The following EFHC2 variants were observed in gnomAD, a reference collection of about 807,000 sequenced individuals.
EFHC2 encodes the protein EF-hand domain containing 2, also known as EF-hand domain-containing family member C2.
EFHC2 carries 18 observed loss-of-function variants against 52.7 expected under a neutral mutation model. That is an observed-to-expected ratio of 0.34 (90% confidence interval 0.24 to 0.51). The LOEUF (loss-of-function observed/expected upper bound fraction) is 0.51, where lower values mean the gene tolerates loss of function less well. Ranked by LOEUF, EFHC2 falls within the 20% of genes least tolerant of loss-of-function variation. The pLI, the probability that EFHC2 is intolerant of heterozygous loss-of-function variation, is 0.97. For synonymous variants in EFHC2, 203 were observed against 204.1 expected (o/e 0.99, Z 0.04); for missense variants, 513 against 562.5 (o/e 0.91, Z 0.89).
chrX:44,287,992 T>C (rs994720047), intron 2 of EFHC2, among the ~76,000 whole-genome samples: 1 of 112,122 alleles, frequency 8.9e-6, no homozygotes, highest in African/African-American at 3.2e-5. Context: ...ATATCTAACT[T>C]CAAAATTCAT....
intron 1 of EFHC2, among the ~76,000 whole-genome samples, chrX:44,318,879 G>T (rs1378476436): frequency 9.0e-6 from 1 of 111,260 alleles, no homozygotes; most frequent in Non-Finnish European, 1.9e-5. Context: ...GATCAAATAG[G>T]CAACAAGGAG....
intron 2 of EFHC2, among the ~76,000 whole-genome samples, chrX:44,307,367 T>C (rs942552533): frequency 5.3e-5 from 6 of 112,237 alleles, no homozygotes; most frequent in African/African-American, 1.6e-4. Flanking sequence ...TTTTTTGGCT[T>C]TCTTCATTTT....
intron 3 of EFHC2, among the ~76,000 whole-genome samples, chrX:44,266,346 T>G (rs2037577455): frequency 9.0e-6 from 1 of 111,085 alleles, no homozygotes; most frequent in Non-Finnish European, 1.9e-5. Flanking sequence ...AAGAATTCTT[T>G]TTTTTTTTAA....
At chrX:44,229,864 A>C (rs2037262223) in intron 10 of EFHC2, 85 bp from the exon 11 acceptor site, 6 of 935,981 alleles carry the variant, frequency 6.4e-6, no homozygotes, top group Non-Finnish European at 8.8e-6. Context: ...CAGCAAAGGG[A>C]CTTCACACTG....
At chrX:44,253,955 A>G (rs1453786265) in intron 4 of EFHC2, among the ~76,000 whole-genome samples, 1 of 112,497 alleles carries the variant, frequency 8.9e-6, no homozygotes, top group Non-Finnish European at 1.9e-5. Context: ...TGCAGCCTCC[A>G]CTGGTGATAC....
chrX:44,339,172 C>G (rs1206199986), intron 1 of EFHC2, among the ~76,000 whole-genome samples: 2 of 94,304 alleles, frequency 2.1e-5, no homozygotes, highest in Non-Finnish European at 4.1e-5. Context: ...GCCTGGGTGA[C>G]AGAGCGAGAC....
chrX:44,308,893 G>T (rs2147379822), intron 2 of EFHC2, among the ~76,000 whole-genome samples: 1 of 112,600 alleles, frequency 8.9e-6, no homozygotes, highest in Non-Finnish European at 1.9e-5. Flanking sequence ...AGCTATTATC[G>T]CCTTGTGAGT....
At position 44,222,789 on chromosome X, in the gene EFHC2, A is replaced by G. The variant is rs377062284; in HGVS notation, c.1751+6860T>C. On this transcript the variant is annotated intron_variant, in intron 11 of 14. Coordinates refer to ENST00000420999, the MANE Select transcript of EFHC2 (RefSeq NM_025184.4). Reference sequence around the variant, plus strand: ...GTATAATTGACAAATAAAATTGTATATATTTACAGCACATAATGTAATGTT... The same window carrying G: ...GTATAATTGACAAATAAAATTGTATGTATTTACAGCACATAATGTAATGTT... Among the ~76,000 whole-genome samples the G allele has an allele frequency of 5.4e-5, 6 of 111,991 alleles. No homozygotes were observed. In the East Asian group the frequency reaches 1.1e-3, roughly 21 times the overall value.
At chrX:44,229,852 G>T in intron 10 of EFHC2, 73 bp from the exon 11 acceptor site, 1 of 1,016,328 alleles carries the variant, frequency 9.8e-7, no homozygotes. Flanking sequence ...CTTGCTGATG[G>T]CCAGCAAAGG....
chrX:44,218,310 T>C (rs1377794902), intron 11 of EFHC2, among the ~76,000 whole-genome samples: 1 of 110,831 alleles, frequency 9.0e-6, no homozygotes, highest in Non-Finnish European at 1.9e-5. Flanking sequence ...TATTTTAGCT[T>C]CCTTTGCAAA....
chrX:44,156,190 G>T (rs1441063767), intron 14 of EFHC2, among the ~76,000 whole-genome samples: 1 of 112,521 alleles, frequency 8.9e-6, no homozygotes, highest in Non-Finnish European at 1.9e-5. Context: ...TGCTATAGAT[G>T]AAAGTGGATT....
In EFHC2 at chrX:44,248,861, T is replaced by C. The variant is rs142043870; in HGVS notation, c.914A>G (p.Asn305Ser). Residue 305 changes from asparagine (N) to serine (S), a missense_variant, in exon 6 of 15, where the codon AAT (asparagine) becomes AGT (serine). Coordinates refer to ENST00000420999, the MANE Select transcript of EFHC2 (RefSeq NM_025184.4). ...PGQITDRAVL[N>S]SYGDFIKNQA... is the part of the protein sequence containing the mutation. ...GTTCTTTATAAAGTCACCATATGAA[T>C]TGAGAACTGCTCGATCTGTTATCTG... The C allele has an allele frequency of 4.6e-5, 56 of 1,208,259 alleles. No homozygotes were observed. In the African/African-American group the frequency reaches 8.8e-4, roughly 19 times the overall value.
At chrX:44,235,586 G>A (rs771082200) in intron 8 of EFHC2, 139 bp from the exon 9 acceptor site, 15 of 558,666 alleles carry the variant, frequency 2.7e-5, no homozygotes, top group Middle Eastern at 5.7e-4. Context: ...TTCAACCATC[G>A]TCTAATTAAG....
At chrX:44,218,977 G>T (rs2037172529) in intron 11 of EFHC2, among the ~76,000 whole-genome samples, 1 of 110,670 alleles carries the variant, frequency 9.0e-6, no homozygotes, top group South Asian at 3.8e-4. Context: ...ACAAATGGTG[G>T]TATATTCATA....
chrX:44,154,985 C>T (rs1006410040), intron 14 of EFHC2, among the ~76,000 whole-genome samples: 1 of 111,881 alleles, frequency 8.9e-6, no homozygotes, highest in Non-Finnish European at 1.9e-5. Context: ...AAGCAACTTC[C>T]TGGCAAACTG....
chrX:44,171,713 G>A (rs1407898161), intron 13 of EFHC2, among the ~76,000 whole-genome samples: 1 of 111,707 alleles, frequency 9.0e-6, no homozygotes, highest in East Asian at 2.8e-4. Context: ...ACATAGAGTC[G>A]ATACTCTGTT....
chrX:44,174,802 T>C (rs1040368574), intron 13 of EFHC2, among the ~76,000 whole-genome samples: 1 of 111,199 alleles, frequency 9.0e-6, no homozygotes, highest in Non-Finnish European at 1.9e-5. Context: ...TTCATCTCAG[T>C]TCCTTCACGG....
At chrX:44,277,727 A>C (rs1163060898) in intron 2 of EFHC2, among the ~76,000 whole-genome samples, 1 of 111,549 alleles carries the variant, frequency 9.0e-6, no homozygotes, top group Non-Finnish European at 1.9e-5. Context: ...AAATTTTAAA[A>C]ACAGAAAAAT....
intron 1 of EFHC2, among the ~76,000 whole-genome samples, chrX:44,342,967 G>A (rs2038161212): frequency 9.1e-6 from 1 of 110,327 alleles, no homozygotes; most frequent in Admixed American, 9.6e-5. Context: ...TAAAGTTTGG[G>A]AGTAAACTTT....
Sources: allele counts gnomAD v4.1 joint callset (sites outside exome capture counted in the v4.1 genomes callset), GRCh38; gene constraint gnomAD v4.1.1; transcripts MANE v1.5; gene names NCBI Gene and HGNC (gene_info 2026-07-23, HGNC 2026-07-21).